The following CAST variants were observed in gnomAD, a reference collection of about 807,000 sequenced individuals.
The protein encoded by CAST is MIR583 host.
CAST carries 76 observed loss-of-function variants against 119.6 expected under a neutral mutation model. That is an observed-to-expected ratio of 0.64 (90% confidence interval 0.53 to 0.77). The LOEUF (loss-of-function observed/expected upper bound fraction) is 0.77, where lower values mean the gene tolerates loss of function less well. CAST is among the 30% of genes least tolerant of loss of function. The pLI, the probability that CAST is intolerant of heterozygous loss-of-function variation, is 0.00. For synonymous variants in CAST, 319 were observed against 331.6 expected, an observed-to-expected ratio of 0.96 and a Z score of 0.41; for missense variants, 953 against 946.5, an observed-to-expected ratio of 1.01 and a Z score of -0.09.
chr5:96,567,520 G>C (rs1408827620), intron 1 of CAST, among the ~76,000 whole-genome samples: 1 of 152,120 alleles, frequency 6.6e-6, no homozygotes, highest in Non-Finnish European at 1.5e-5. Flanking sequence ...CTTGGAGAAA[G>C]TGCAAATGCC....
At chr5:96,099,385 G>T in the CAST span, among the ~76,000 whole-genome samples, 1 of 152,132 alleles carries the variant, frequency 6.6e-6, no homozygotes, top group African/African-American at 2.4e-5. Context: ...GTGAGAGAGG[G>T]CATCTTTGTC....
At chr5:96,659,331 G>C (rs546186718), upstream of CAST, among the ~76,000 whole-genome samples, 1 of 152,320 alleles carries the variant, frequency 6.6e-6, no homozygotes, top group Non-Finnish European at 1.5e-5. Context: ...CAGTATCTGT[G>C]AAATGCAATA....
chr5:96,021,495 G>T, the CAST span, among the ~76,000 whole-genome samples: 1 of 151,994 alleles, frequency 6.6e-6, no homozygotes, highest in Non-Finnish European at 1.5e-5. Flanking sequence ...GCCCAGGCTG[G>T]AGTGCAGTGG....
the CAST span, among the ~76,000 whole-genome samples, chr5:96,170,515 C>T: frequency 2.0e-4 from 30 of 152,210 alleles, no homozygotes; most frequent in South Asian, 5.0e-3. Flanking sequence ...ACCTTGAAAG[C>T]GAGGTTAATT....
At chr5:96,436,937 C>T in the CAST span, among the ~76,000 whole-genome samples, 1 of 152,150 alleles carries the variant, frequency 6.6e-6, no homozygotes, top group Admixed American at 6.5e-5. Flanking sequence ...CCAGCAGATC[C>T]ACAGACACTT....
intron 1 of CAST, among the ~76,000 whole-genome samples, chr5:96,663,615 A>G (rs1052970819): frequency 2.6e-5 from 4 of 152,186 alleles, no homozygotes; most frequent in Non-Finnish European, 4.4e-5. Flanking sequence ...GCCGACGCAA[A>G]GGAGAGGCAG....
intron 24 of CAST, among the ~76,000 whole-genome samples, chr5:96,760,100 T>C (rs1767412386): frequency 6.6e-6 from 1 of 151,996 alleles, no homozygotes; most frequent in South Asian, 2.1e-4. Flanking sequence ...AAATATGTCA[T>C]GAAAAAGATG....
At chr5:96,670,598 A>G (rs1244168286) in intron 1 of CAST, among the ~76,000 whole-genome samples, 2 of 152,322 alleles carry the variant, frequency 1.3e-5, no homozygotes, top group South Asian at 2.1e-4. Flanking sequence ...CCTGGGTTCA[A>G]GTAATTCTCC....
chr5:96,324,477 T>C, the CAST span, among the ~76,000 whole-genome samples: 1 of 152,346 alleles, frequency 6.6e-6, no homozygotes, highest in East Asian at 1.9e-4. Flanking sequence ...TCTTGCCTAC[T>C]TAGACACACA....
At chr5:96,344,922 C>T in the CAST span, among the ~76,000 whole-genome samples, 1 of 152,152 alleles carries the variant, frequency 6.6e-6, no homozygotes, top group Admixed American at 6.6e-5. Context: ...GATATAATGA[C>T]TTGTAGACAC....
Position 96,729,702 on chromosome 5 carries a change from T to C in CAST, c.526T>C (p.Ser176Pro). ...AVSRSAEQQP[S>P]EKSTEPKTKP... ...TTCCAGATCAGCTGAACAGCAGCCA[T>C]CAGAGAAATCAACAGAACCAAAGGT... is the stretch of plus-strand genomic sequence containing the variant. Residue 176 changes from serine (S) to proline (P), a missense_variant, in exon 8 of 32, where the codon TCA (serine) becomes CCA (proline). By Grantham distance (74) the Ser-to-Pro change is moderately conservative. Transcript: ENST00000675179. The C allele has an allele frequency of 6.5e-7, 1 of 1,533,266 alleles. No homozygotes were observed. The highest frequency in any genetic ancestry group is 9.0e-7 in the Non-Finnish European group (1 of 1,106,420). 95.0% of individuals were successfully genotyped at this position (1,533,266 alleles called of 1,614,324 possible).
chr5:96,745,171 A>C (rs1377938848), intron 16 of CAST, among the ~76,000 whole-genome samples: 1 of 152,188 alleles, frequency 6.6e-6, no homozygotes, highest in African/African-American at 2.4e-5. Flanking sequence ...GTGCTGCTCC[A>C]TGACAGGATT....
At chr5:96,238,350 TTCA>T in the CAST span, among the ~76,000 whole-genome samples, 113 of 78,778 alleles carry the variant, frequency 1.4e-3, 2 homozygotes, top group South Asian at 5.1e-3. Flanking sequence ...CTTCTTCATC[TTCA>T]TCTTCTTCTT....
chr5:96,085,848 A>G, the CAST span, among the ~76,000 whole-genome samples: 1 of 152,178 alleles, frequency 6.6e-6, no homozygotes, highest in Admixed American at 6.5e-5. Context: ...ATTAACATCC[A>G]TATCTTGTCC....
the CAST span, among the ~76,000 whole-genome samples, chr5:96,367,537 C>G: frequency 6.6e-6 from 1 of 151,670 alleles, no homozygotes; most frequent in South Asian, 2.1e-4. Context: ...GCGCCCCTCC[C>G]CCAGACTTGC....
At chr5:96,340,814 G>A in the CAST span, among the ~76,000 whole-genome samples, 3 of 152,158 alleles carry the variant, frequency 2.0e-5, no homozygotes, top group Admixed American at 1.3e-4. Flanking sequence ...GCTCTACGCA[G>A]TATATACTAT....
the CAST span, among the ~76,000 whole-genome samples, chr5:96,501,801 T>C: frequency 1.3e-5 from 2 of 152,238 alleles, no homozygotes; most frequent in African/African-American, 4.8e-5. Context: ...TATACAACGG[T>C]GATCCCATAG....
chr5:96,477,065 AACACACACACACACACACACACACAC>A, the CAST span, among the ~76,000 whole-genome samples: 5 of 136,716 alleles, frequency 3.7e-5, no homozygotes, highest in South Asian at 2.5e-4. Context: ...AATGTGCCAA[AACACACACACACACACACACACACAC>A]ACACACACAC....
chr5:96,486,920 G>GA, the CAST span, among the ~76,000 whole-genome samples: 15 of 151,566 alleles, frequency 9.9e-5, no homozygotes, highest in Admixed American at 2.6e-4. Flanking sequence ...AATAATCTAA[G>GA]AAAAAAAGCC....
Sources: gnomAD v4.1 joint callset for allele counts (sites outside exome capture counted in the v4.1 genomes callset) on GRCh38, gnomAD v4.1.1 for gene constraint, MANE v1.5 for transcripts, NCBI Gene and HGNC (gene_info 2026-07-23, HGNC 2026-07-21) for gene names.